The following IQGAP2 variants were observed in gnomAD, a reference collection of about 807,000 sequenced individuals.
IQGAP2 encodes ras GTPase-activating-like protein IQGAP2.
IQGAP2 carries 173 observed loss-of-function variants against 201.3 expected under a neutral mutation model. The observed-to-expected ratio is 0.86, with a 90% CI of 0.76 to 0.98. The LOEUF (loss-of-function observed/expected upper bound fraction) is 0.98, where lower values mean the gene tolerates loss of function less well. Among genes scored for constraint, IQGAP2 ranks in the 50% least tolerant of loss-of-function variants. IQGAP2 has a pLI of 0.00. For synonymous variants in IQGAP2, 675 were observed against 673.9 expected, an observed-to-expected ratio of 1.00 and a Z score of -0.03; for missense variants, 1,687 against 1,864.8, an observed-to-expected ratio of 0.90 and a Z score of 1.76.
intron 1 of IQGAP2, among the ~76,000 whole-genome samples, chr5:76,454,135 A>G (rs569035965): frequency 6.6e-6 from 1 of 152,228 alleles, no homozygotes; most frequent in South Asian, 2.1e-4. Flanking sequence ...AAATCTAGGA[A>G]TCATTGCCTA....
In IQGAP2 at chr5:76,668,718, T is replaced by C; in HGVS notation, c.2717T>C (p.Met906Thr). 6.2e-7 allele frequency: 1 copy of C among 1,612,084 alleles called. No homozygotes were observed. Among genetic ancestry groups the C allele is most frequent in the East Asian group, 2.2e-5 (1 of 44,706 alleles). The change falls in exon 23 of 36, where the codon ATG becomes ACG. Residue 906 changes from methionine (M) to threonine (T), a missense_variant. By Grantham distance (81) the Met-to-Thr change is moderately conservative. Transcript: ENST00000274364. Reference sequence around the variant, plus strand: ...TACTTGGCTAAGCTGATTTTCCAGATGCCACAGAACAAGTCCACTAAATTT... The same window carrying C: ...TACTTGGCTAAGCTGATTTTCCAGACGCCACAGAACAAGTCCACTAAATTT... ...PLYLAKLIFQ[M>T]PQNKSTKFMD... is the part of the protein sequence containing the mutation.
intron 1 of IQGAP2, chr5:76,441,397 C>A (rs762044351): frequency 9.7e-6 from 5 of 514,142 alleles, no homozygotes; most frequent in Non-Finnish European, 1.3e-5. Context: ...CGGAAGGAAT[C>A]AGGAATTAAC....
chr5:76,669,278 A>G (rs1383808118), intron 23 of IQGAP2, among the ~76,000 whole-genome samples: 2 of 152,220 alleles, frequency 1.3e-5, no homozygotes, highest in Non-Finnish European at 2.9e-5. Context: ...ATAGGTAGCT[A>G]TAATGAGTGG....
chr5:76,674,431 G>T, intron 26 of IQGAP2, 46 bp from the exon 27 acceptor site: 1 of 1,128,044 alleles, frequency 8.9e-7, no homozygotes, highest in Non-Finnish European at 1.3e-6. Flanking sequence ...TAAAACTCTT[G>T]AGTTTTCTCT....
intron 1 of IQGAP2, among the ~76,000 whole-genome samples, chr5:76,438,038 T>TTTTTTTTTG (rs1752816079): frequency 8.5e-6 from 1 of 117,102 alleles, no homozygotes; most frequent in African/African-American, 4.8e-5. Flanking sequence ...TTTGTTTGTT[T>TTTTTTTTTG]TTTTTTTTGT....
chr5:76,476,651 G>T (rs1303534996), intron 2 of IQGAP2, among the ~76,000 whole-genome samples: 2 of 152,032 alleles, frequency 1.3e-5, no homozygotes, highest in Non-Finnish European at 2.9e-5. Flanking sequence ...TATGAGTTCT[G>T]GGGGGGTCAG....
chr5:76,425,395 G>C (rs922059765), intron 1 of IQGAP2, among the ~76,000 whole-genome samples: 2 of 152,124 alleles, frequency 1.3e-5, no homozygotes, highest in African/African-American at 4.8e-5. Flanking sequence ...AGCTGTTAAT[G>C]TTGCCATTGC....
intron 1 of IQGAP2, among the ~76,000 whole-genome samples, chr5:76,425,657 T>A (rs945180914): frequency 6.6e-6 from 1 of 152,186 alleles, no homozygotes; most frequent in Non-Finnish European, 1.5e-5. Flanking sequence ...AAACCCACAT[T>A]AGTTCTCATA....
At chr5:76,691,047 A>AAT in intron 30 of IQGAP2, among the ~76,000 whole-genome samples, 1 of 152,386 alleles carries the variant, frequency 6.6e-6, no homozygotes, top group Admixed American at 6.5e-5. Flanking sequence ...CCACATGGCT[A>AAT]ATATGCAACA....
At chr5:76,597,306 C>T in intron 9 of IQGAP2, 133 bp from the exon 10 acceptor site, 1 of 794,254 alleles carries the variant, frequency 1.3e-6, no homozygotes, top group Non-Finnish European at 2.0e-6. Context: ...CCTTACCTAC[C>T]CTCTGCCTGC....
chr5:76,421,038 G>A (rs58845641), intron 1 of IQGAP2, among the ~76,000 whole-genome samples: 142 of 152,318 alleles, frequency 9.3e-4, no homozygotes, highest in African/African-American at 3.3e-3. Flanking sequence ...GAGCATGGGT[G>A]TACAAATATC....
intron 13 of IQGAP2, among the ~76,000 whole-genome samples, chr5:76,623,700 T>C (rs1749940650): frequency 6.6e-6 from 1 of 152,234 alleles, no homozygotes; most frequent in Non-Finnish European, 1.5e-5. Flanking sequence ...ACTTAATAAA[T>C]TATCCTTTCC....
In IQGAP2 at chr5:76,707,467, C is replaced by T; in HGVS notation, c.*154C>T. On this transcript the variant is annotated 3_prime_UTR_variant, in exon 36 of 36. Coordinates refer to ENST00000274364, the MANE Select transcript of IQGAP2 (RefSeq NM_006633.5). ...CTGTTCTGAAGAATGTACCCAGGTG[C>T]CTTTTTGCTAATTTGATACTATAAT... The T allele has an allele frequency of 4.9e-6, 3 of 606,448 alleles. No homozygotes were observed. The South Asian group carries it at 5.9e-5, about 12-fold the overall frequency. The allele number at this position is 606,448 out of a possible 1,614,324, so 37.6% of individuals were successfully genotyped here.
chr5:76,552,807 A>G (rs570786725), intron 2 of IQGAP2, among the ~76,000 whole-genome samples: 5 of 152,286 alleles, frequency 3.3e-5, no homozygotes, highest in South Asian at 2.1e-4. Flanking sequence ...AGATTATACT[A>G]TATCATCTCC....
chr5:76,570,628 A>G lies in IQGAP2; in HGVS notation c.352A>G (p.Arg118Gly). The change falls in exon 4 of 36, where the codon AGA (arginine) becomes GGA (glycine). Residue 118 changes from arginine (R) to glycine (G), a missense_variant. By Grantham distance (125) the Arg-to-Gly change is moderately radical. Coordinates refer to ENST00000274364, the MANE Select transcript of IQGAP2 (RefSeq NM_006633.5). ...CACAGATAATACCGTCCAGTGGTTAAGAGCGATGGAGTCTATTGGTCTACC... is the reference window on the plus strand; with the variant it reads ...CACAGATAATACCGTCCAGTGGTTAGGAGCGATGGAGTCTATTGGTCTACC... ...RHTDNTVQWL[R>G]AMESIGLPKI... is the part of the protein sequence containing the mutation. 1 of 1,613,800 alleles carries G rather than the reference A, an allele frequency of 6.2e-7. No homozygotes were observed. The highest frequency in any genetic ancestry group is 8.5e-7 in the Non-Finnish European group (1 of 1,179,646).
chr5:76,639,655 G>A (rs1561539310), intron 16 of IQGAP2, among the ~76,000 whole-genome samples: 1 of 152,196 alleles, frequency 6.6e-6, no homozygotes, highest in Non-Finnish European at 1.5e-5. Context: ...TTAAAAGTCA[G>A]CATCAAAGAT....
chr5:76,701,101 G>T lies in IQGAP2; in HGVS notation c.4393G>T (p.Asp1465Tyr), dbSNP rs1409441499. ...RKNTRRSIKLDGKGEPKGAKR... is the reference protein window; with the variant it reads ...RKNTRRSIKLYGKGEPKGAKR... ...AAATACTCGGAGATCAATTAAACTA[G>T]ATGGAAAAGGAGAACCCAAAGGGGC... is the stretch of plus-strand genomic sequence containing the variant. The change falls in exon 34 of 36, where the codon GAT becomes TAT. Residue 1465 changes from aspartate (D) to tyrosine (Y), a missense_variant. By Grantham distance (160) the Asp-to-Tyr change is radical. Coordinates refer to ENST00000274364, the MANE Select transcript of IQGAP2 (RefSeq NM_006633.5). The T allele has an allele frequency of 6.2e-7, 1 of 1,614,090 alleles. No homozygotes were observed. Among genetic ancestry groups the T allele is most frequent in the East Asian group, 2.2e-5 (1 of 44,900 alleles).
chr5:76,565,418 A>C (rs1299778743), intron 3 of IQGAP2, among the ~76,000 whole-genome samples: 2 of 152,300 alleles, frequency 1.3e-5, no homozygotes, highest in East Asian at 3.9e-4. Flanking sequence ...TTGTCAGCTT[A>C]TGTACAACCC....
chr5:76,575,093 A>T (rs1268503110), intron 4 of IQGAP2, among the ~76,000 whole-genome samples: 2 of 152,192 alleles, frequency 1.3e-5, no homozygotes, highest in East Asian at 3.8e-4. Context: ...AAAAGACCAG[A>T]AGAAAAATAG....
Sources: gnomAD v4.1 joint callset for allele counts (sites outside exome capture counted in the v4.1 genomes callset) on GRCh38, gnomAD v4.1.1 for gene constraint, MANE v1.5 for transcripts, NCBI Gene and HGNC (gene_info 2026-07-23, HGNC 2026-07-21) for gene names.